Variants in MAP3K11 observed in about 807,000 individuals in gnomAD.
MAP3K11 encodes the protein SH3 domain-containing proline-rich kinase.
MAP3K11 carries 46 observed loss-of-function variants against 84.9 expected under a neutral mutation model. The ratio of observed to expected loss-of-function variants is 0.54; its 90% CI spans 0.43 to 0.69. The LOEUF (loss-of-function observed/expected upper bound fraction) is 0.69, where lower values mean the gene tolerates loss of function less well. MAP3K11 is among the 30% of genes least tolerant of loss of function. MAP3K11 has a pLI of 0.00. For synonymous variants in MAP3K11, 527 were observed against 514.7 expected (o/e 1.02, Z -0.32); for missense variants, 1,053 against 1,198.3 (o/e 0.88, Z 1.79).
rs543314735 is a variant in MAP3K11, at chr11:65,612,627, G to A, written c.739+391C>T. 39 of 173,954 alleles carry A rather than the reference G, an allele frequency of 2.2e-4. No homozygotes were observed. The South Asian group carries it at 7.1e-3, about 32-fold the overall frequency. 10.8% of individuals were successfully genotyped at this position (173,954 alleles called of 1,614,324 possible). ...TTCTGGAGGAGCTGCCCATGACGAC[G>A]GGAGGGGAGGACAGAGCACCAACTC... On this transcript the variant is annotated intron_variant, in intron 1 of 9. Transcript: ENST00000309100.
rs1423817851 is a variant in MAP3K11 at position 65,613,472 on chromosome 11, G to A, written c.285C>T (p.Phe95=). ...AGQVGGQVGI[F]PSNYVSRGGG... is the part of the protein sequence containing the mutation. ...CACCCCGAGACACATAGTTGGACGGGAAGATGCCCACCTGGCCACCCACCT... is the reference window on the plus strand; with the variant it reads ...CACCCCGAGACACATAGTTGGACGGAAAGATGCCCACCTGGCCACCCACCT... Residue 95 remains phenylalanine, a synonymous_variant, in exon 1 of 10, where the codon TTC becomes TTT. Transcript: ENST00000309100. The A allele has an allele frequency of 6.2e-7, 1 of 1,612,126 alleles. No individual in the cohort carries two copies. The highest frequency in any genetic ancestry group is 8.5e-7 in the Non-Finnish European group (1 of 1,179,350).
At chr11:65,601,715 C>G (rs545792817) in intron 8 of MAP3K11, among the ~76,000 whole-genome samples, 34 of 151,402 alleles carry the variant, frequency 2.2e-4, no homozygotes, top group African/African-American at 7.8e-4. Context: ...AAAATCACAC[C>G]ACTGCACTCC....
At chr11:65,599,074 A>G (rs1181810276) in intron 9 of MAP3K11, among the ~76,000 whole-genome samples, 1 of 152,062 alleles carries the variant, frequency 6.6e-6, no homozygotes, top group Non-Finnish European at 1.5e-5. Flanking sequence ...TGTCATGATC[A>G]CCGCTCACTG....
Position 65,598,526 on chromosome 11 carries a change from G to C in MAP3K11, c.2309C>G (p.Ser770Trp). ...PLGLISRPRP[S>W]PLRSRIDPWS... ...GGGATCAATGCGGCTGCGAAGGGGC[G>C]AGGGCCGAGGTCGGCTGATGAGGCC... Residue 770 changes from serine to tryptophan, a missense_variant, in exon 10 of 10, where the codon TCG becomes TGG. Physicochemically the swap from Ser to Trp is radical, Grantham distance 177. Around this residue, in one of 3 missense-constraint regions of MAP3K11, gnomAD observed 583 missense variants for 566.6 expected, o/e 1.03. Transcript: ENST00000309100. 1 of 1,613,058 alleles carries C rather than the reference G, an allele frequency of 6.2e-7. No homozygotes were observed. The highest frequency in any genetic ancestry group is 8.5e-7 in the Non-Finnish European group (1 of 1,179,508).
chr11:65,612,983 C>T, intron 1 of MAP3K11, 35 bp downstream of exon 1: 1 of 1,514,390 alleles, frequency 6.6e-7, no homozygotes. Flanking sequence ...TGTACCAGAG[C>T]CATGCCACCC....
rs370501486 is a variant in MAP3K11, at chr11:65,599,491, G to A, written c.2109C>T (p.Pro703=). 2.1e-5 allele frequency: 32 copies of A among 1,500,334 alleles called. No individual in the cohort carries two copies. Among genetic ancestry groups the A allele is most frequent in the Admixed American group, 5.5e-5 (2 of 36,160 alleles). The allele number at this position is 1,500,334 out of a possible 1,614,324, so 92.9% of individuals were successfully genotyped here. A position where few individuals can be genotyped will look rare whatever the true frequency, so the allele number is the denominator to read the frequency against. ...SPLICFSLKT[P]DSPPTPAPLL... is the part of the protein sequence containing the mutation. ...GGGGTGCAGGAGTGGGCGGGGAGTCGGGCGTCTTGAGCGAGAAGCAGATGA... is the reference window on the plus strand; with the variant it reads ...GGGGTGCAGGAGTGGGCGGGGAGTCAGGCGTCTTGAGCGAGAAGCAGATGA... The change falls in exon 9 of 10, where the codon CCC becomes CCT. Residue 703 remains proline, a synonymous_variant. Transcript: ENST00000309100.
intron 3 of MAP3K11, 33 bp downstream of exon 3, chr11:65,607,889 T>C (rs1854530966): frequency 6.2e-7 from 1 of 1,609,768 alleles, no homozygotes. Context: ...GCCAGGGAGC[T>C]CTGTACCTCA....
intron 1 of MAP3K11, chr11:65,609,408 A>C (rs1854547353): frequency 6.6e-6 from 1 of 152,232 alleles, no homozygotes. Context: ...CTTGGCCACA[A>C]AGGAGGAGCT....
At position 65,606,721 on chromosome 11, in the gene MAP3K11, G is replaced by A. The variant is rs1410076470; in HGVS notation, c.1573C>T (p.Pro525Ser). Residue 525 changes from proline (P) to serine (S), a missense_variant, in exon 6 of 10, where the codon CCC becomes TCC. Transcript: ENST00000309100. ...ATGGCTCGGAACCGGGGAAAGGTGG[G>A]CGAATCCCCAGGCCCGACCTCGAAG... ...NVFEVGPGDSPTFPRFRAIQL... is the reference protein window; with the variant it reads ...NVFEVGPGDSSTFPRFRAIQL... The A allele has an allele frequency of 1.2e-6, 2 of 1,602,380 alleles. No homozygotes were observed. Among genetic ancestry groups the A allele is most frequent in the Non-Finnish European group, 1.7e-6 (2 of 1,175,142 alleles).
intron 8 of MAP3K11, among the ~76,000 whole-genome samples, chr11:65,603,691 G>A (rs1854479157): frequency 6.6e-6 from 1 of 152,274 alleles, no homozygotes; most frequent in South Asian, 2.1e-4. Context: ...CGTGGAGTGT[G>A]GGATTGGGCT....
chr11:65,607,517 C>A lies in MAP3K11; in HGVS notation c.1246-4G>T. ...CCTCCTCGCGGCTCAGTAGTTCCTGCGCCCGAGACAGCGATGGTGGAGAGG... is the reference window on the plus strand; with the variant it reads ...CCTCCTCGCGGCTCAGTAGTTCCTGAGCCCGAGACAGCGATGGTGGAGAGG... On this transcript the variant is annotated splice_polypyrimidine_tract_variant and splice_region_variant and intron_variant, in intron 4 of 9. Coordinates refer to ENST00000309100, the MANE Select transcript of MAP3K11 (RefSeq NM_002419.4). The A allele has an allele frequency of 1.3e-6, 2 of 1,562,280 alleles. No homozygotes were observed. The highest frequency in any genetic ancestry group is 1.7e-6 in the Non-Finnish European group (2 of 1,161,318).
chr11:65,599,643 C>A lies in MAP3K11; in HGVS notation c.1957G>T (p.Ala653Ser). Reference sequence around the variant, plus strand: ...AGGTCGCGGCCAAGGCCCAGCGAGGCGAGCAGGGCGGTGCCGCGCAGCAGC... The same window carrying A: ...AGGTCGCGGCCAAGGCCCAGCGAGGAGAGCAGGGCGGTGCCGCGCAGCAGC... ...RALLRGTALL[A>S]SLGLGRDLQP... The change falls in exon 9 of 10, where the codon GCC becomes TCC. Residue 653 changes from alanine (A) to serine (S), a missense_variant. Coordinates refer to ENST00000309100, the MANE Select transcript of MAP3K11 (RefSeq NM_002419.4). 6.5e-7 allele frequency: 1 copy of A among 1,536,518 alleles called. No individual in the cohort carries two copies. Among genetic ancestry groups the A allele is most frequent in the Non-Finnish European group, 8.7e-7 (1 of 1,146,204 alleles).
At chr11:65,598,651 C>T (rs772753565) in intron 9 of MAP3K11, 23 bp from the exon 10 acceptor site, 2 of 1,449,788 alleles carry the variant, frequency 1.4e-6, no homozygotes, top group Non-Finnish European at 1.8e-6. Flanking sequence ...AGGAGGGGCA[C>T]AGGGTCAAGC....
intron 8 of MAP3K11, among the ~76,000 whole-genome samples, chr11:65,603,116 G>A (rs1450408326): frequency 1.3e-5 from 2 of 152,096 alleles, no homozygotes; most frequent in Admixed American, 6.6e-5. Flanking sequence ...AAAAATAAAA[G>A]ACAGAAATGA....
At chr11:65,605,480 G>A in intron 8 of MAP3K11, 1 of 309,880 alleles carries the variant, frequency 3.2e-6, no homozygotes, top group Non-Finnish European at 5.9e-6. Context: ...GGGCTGCCAT[G>A]GGGCCAGGGA....
At chr11:65,608,553 G>A (rs1023096900) in intron 1 of MAP3K11, 105 bp from the exon 2 acceptor site, 4 of 950,112 alleles carry the variant, frequency 4.2e-6, no homozygotes, top group Non-Finnish European at 6.5e-6. Flanking sequence ...TGGGTCCTGG[G>A]GGCACAGAGG....
intron 1 of MAP3K11, 132 bp downstream of exon 1, chr11:65,612,886 C>A (rs1854589750): frequency 1.8e-6 from 2 of 1,093,980 alleles, no homozygotes; most frequent in African/African-American, 1.6e-5. Context: ...CCCATGGGCA[C>A]CCCTGGTCAG....
At chr11:65,608,611 T>C in intron 1 of MAP3K11, 163 bp from the exon 2 acceptor site, 1 of 608,748 alleles carries the variant, frequency 1.6e-6, no homozygotes, top group Non-Finnish European at 2.9e-6. Flanking sequence ...GACATTTCTT[T>C]TCTTTTCCTT....
chr11:65,602,966 C>T (rs895906597), intron 8 of MAP3K11, among the ~76,000 whole-genome samples: 1 of 152,110 alleles, frequency 6.6e-6, no homozygotes, highest in Non-Finnish European at 1.5e-5. Context: ...ATTAGCCAAG[C>T]ATGGCATGCA....
Sources: allele counts gnomAD v4.1 joint callset (sites outside exome capture counted in the v4.1 genomes callset), GRCh38; gene constraint gnomAD v4.1.1; regional missense constraint gnomAD v4.1.1; transcripts MANE v1.5; gene names NCBI Gene and HGNC (gene_info 2026-07-23, HGNC 2026-07-21).